CEP290: variants seen among roughly 807,000 people sequenced by gnomAD.
The protein encoded by CEP290 is centrosomal protein of 290 kDa.
CEP290 carries 317 observed loss-of-function variants against 344.9 expected under a neutral mutation model. The observed-to-expected ratio is 0.92, with a 90% confidence interval of 0.84 to 1.01. The LOEUF is 1.01. CEP290 is among the 50% of genes least tolerant of loss of function. The pLI, the probability that CEP290 is intolerant of heterozygous loss-of-function variation, is 0.00. For synonymous variants in CEP290, 932 were observed against 895.8 expected, an observed-to-expected ratio of 1.04 and a Z score of -0.72; for missense variants, 2,754 against 2,761.4, an observed-to-expected ratio of 1.00 and a Z score of 0.06.
intron 37 of CEP290, 67 bp downstream of exon 37, chr12:88,082,964 A>G (rs1355083960): frequency 1.1e-6 from 1 of 947,804 alleles, no homozygotes; most frequent in South Asian, 1.7e-5. Flanking sequence ...CATAGCAAAC[A>G]CTTATGTTTA....
intron 26 of CEP290, among the ~76,000 whole-genome samples, chr12:88,098,541 G>A (rs2037630292): frequency 1.3e-5 from 2 of 152,000 alleles, no homozygotes; most frequent in East Asian, 3.9e-4. Context: ...GATCCCAGGA[G>A]GGCAAGGCTG....
Position 88,102,895 on chromosome 12 carries a change from GT to G in CEP290, c.2933del (p.Asp978AlafsTer26). 6.2e-7 allele frequency: 1 copy of G among 1,611,168 alleles called. No homozygotes were observed. The stretch of plus-strand genomic sequence containing the variant: ...CAAGCATATTATCTTTTTGCAAGAT[GT>G]CCCTGTACTTAGCAGTCAGTTCATT... Reference protein sequence around the residue: ...QYNELTAKYRDILQKDNMLVQ... With the variant: ...QYNELTAKYRXILQKDNMLVQ... On this transcript the variant is annotated frameshift_variant, in exon 26 of 54. Transcript: ENST00000552810. LOFTEE classifies it high-confidence loss of function.
rs1306782857 is a variant in CEP290 at position 88,087,779 on chromosome 12, C to G, written c.4194+1G>C. ...AAAATGAAATAAATATAAAATAAAA[C>G]CTTGTTCTGTTGCACAATTTCTTCT... On this transcript the variant is annotated splice_donor_variant, in intron 32 of 53. Transcript: ENST00000552810. LOFTEE classifies it high-confidence loss of function. 1 of 942,518 alleles carries G rather than the reference C, an allele frequency of 1.1e-6. No individual in the cohort carries two copies. The highest frequency in any genetic ancestry group is 3.6e-5 in the South Asian group (1 of 28,096). 58.4% of individuals were successfully genotyped at this position (942,518 alleles called of 1,614,324 possible). A position where few individuals can be genotyped will look rare whatever the true frequency, so the allele number is the denominator to read the frequency against.
Position 88,087,863 on chromosome 12 carries a change from C to T in CEP290, c.4111G>A (p.Glu1371Lys), listed in dbSNP as rs565584005. ...ATTATGTTATTCAAATATTTTATTT[C>T]TTCTTTATCCTTGACTAATTCCCGA... ...LNRELVKDKEEIKYLNNIISE... is the reference protein window; with the variant it reads ...LNRELVKDKEKIKYLNNIISE... Residue 1371 changes from glutamate to lysine, a missense_variant, in exon 32 of 54, where the codon GAA becomes AAA. Physicochemically the swap from Glu to Lys is moderately conservative, Grantham distance 56. Coordinates refer to ENST00000552810, the MANE Select transcript of CEP290 (RefSeq NM_025114.4). The T allele has an allele frequency of 1.6e-6, 2 of 1,247,844 alleles. No individual in the cohort carries two copies. The highest frequency in any genetic ancestry group is 6.2e-5 in the East Asian group (2 of 32,080). The allele number at this position is 1,247,844 out of a possible 1,614,324, so 77.3% of individuals were successfully genotyped here.
intron 39 of CEP290, among the ~76,000 whole-genome samples, chr12:88,078,890 C>T (rs2035980112): frequency 6.6e-6 from 1 of 152,056 alleles, no homozygotes; most frequent in African/African-American, 2.4e-5. Context: ...CCTATCCTTT[C>T]CTAATCCCCA....
At chr12:88,117,567 G>A (rs1017095959) in intron 17 of CEP290, among the ~76,000 whole-genome samples, 6 of 152,108 alleles carry the variant, frequency 3.9e-5, no homozygotes, top group Non-Finnish European at 8.8e-5. Flanking sequence ...ACTCATATAC[G>A]TGCTTGGGGA....
rs777299440 is a variant in CEP290 at position 88,120,196 on chromosome 12, T to C, written c.1440A>G (p.Glu480=). Reference sequence around the variant, plus strand: ...GTTTATTGATTTCCTTTGTTAATATTTCAATCTCTCGATCTCTTATTTTAA... The same window carrying C: ...GTTTATTGATTTCCTTTGTTAATATCTCAATCTCTCGATCTCTTATTTTAA... ...NQIKIRDREI[E]ILTKEINKLE... is the part of the protein sequence containing the mutation. Residue 480 remains glutamate (E), a synonymous_variant, in exon 15 of 54, where the codon GAA becomes GAG. Coordinates refer to ENST00000552810, the MANE Select transcript of CEP290 (RefSeq NM_025114.4). 4.3e-5 allele frequency: 66 copies of C among 1,520,550 alleles called. No individual in the cohort carries two copies. The highest frequency in any genetic ancestry group is 5.6e-5 in the Non-Finnish European group (63 of 1,130,696). 94.2% of individuals were successfully genotyped at this position (1,520,550 alleles called of 1,614,324 possible).
intron 18 of CEP290, chr12:88,115,650 G>T: frequency 9.8e-7 from 1 of 1,016,184 alleles, no homozygotes; most frequent in Non-Finnish European, 1.3e-6. Flanking sequence ...AAAGTACAAT[G>T]TGTATAACTG....
chr12:88,059,990 CA>C lies in CEP290; in HGVS notation c.6552del (p.His2186IlefsTer3). 1 of 1,568,482 alleles carries C rather than the reference CA, an allele frequency of 6.4e-7. No homozygotes were observed. Among genetic ancestry groups the C allele is most frequent in the Non-Finnish European group, 8.6e-7 (1 of 1,159,088 alleles). ...KAELEKLKAH[L>X]GHQLSMHYES... ...TCATAGTGCATGCTCAACTGATGCC[CA>C]AGATGAGCTTTAAGTTTTTCTAATT... On this transcript the variant is annotated frameshift_variant, in exon 48 of 54. Transcript: ENST00000552810. LOFTEE classifies it high-confidence loss of function.
In CEP290 at chr12:88,139,475, A is replaced by T; in HGVS notation, c.250+20T>A. The T allele has an allele frequency of 6.3e-7, 1 of 1,587,472 alleles. No individual in the cohort carries two copies. The highest frequency in any genetic ancestry group is 8.6e-7 in the Non-Finnish European group (1 of 1,165,068). On this transcript the variant is annotated intron_variant, in intron 4 of 53. Coordinates refer to ENST00000552810, the MANE Select transcript of CEP290 (RefSeq NM_025114.4). ...AATTCATTATTTAATACCATAATAA[A>T]CTTTTTCCAAGGTGCTTACCAAATT...
chr12:88,075,082 A>C lies in CEP290; in HGVS notation c.5709+2140T>G, dbSNP rs557783046. On this transcript the variant is annotated intron_variant, in intron 41 of 53. Coordinates refer to ENST00000552810, the MANE Select transcript of CEP290 (RefSeq NM_025114.4). ...GGACTTGTGATTTGATCGAAGTAAG[A>C]TATCTGTGGGATCTGACACTATCTC... Among the ~76,000 whole-genome samples the C allele has an allele frequency of 2.6e-5, 4 of 152,240 alleles. No individual in the cohort carries two copies. The East Asian group carries it at 7.7e-4, about 29-fold the overall frequency.
Position 88,090,822 on chromosome 12 carries a change from T to A in CEP290, c.3479A>T (p.Asp1160Val). 1 of 1,553,788 alleles carries A rather than the reference T, an allele frequency of 6.4e-7. No individual in the cohort carries two copies. The highest frequency in any genetic ancestry group is 8.7e-7 in the Non-Finnish European group (1 of 1,145,954). ...VEVSKLREIS[D>V]IARRQVEILN... ...AATTTCAACTTGTCTTCTGGCAATA[T>A]CAGAAATCTCTCTCAGTCTAGGAAA... Residue 1160 changes from aspartate to valine, a missense_variant, in exon 30 of 54, where the codon GAT becomes GTT. By Grantham distance (152) the Asp-to-Val change is radical. Transcript: ENST00000552810.
chr12:88,095,518 G>A (rs1008018757), intron 27 of CEP290, among the ~76,000 whole-genome samples: 3 of 152,126 alleles, frequency 2.0e-5, no homozygotes, highest in Admixed American at 6.5e-5. Context: ...AAAATTGTAC[G>A]TAATACTCTC....
At position 88,063,950 on chromosome 12, in the gene CEP290, T is replaced by C. The variant is rs1180052887; in HGVS notation, c.6270+31A>G. ...CAACTAAGGAAGGAGTTTTAGGCAT[T>C]AGATTTCCTAATAAAAAACATTAAA... On this transcript the variant is annotated intron_variant, in intron 45 of 53. Coordinates refer to ENST00000552810, the MANE Select transcript of CEP290 (RefSeq NM_025114.4). 4 of 1,555,806 alleles carry C rather than the reference T, an allele frequency of 2.6e-6. No individual in the cohort carries two copies. The African/African-American group carries it at 4.1e-5, about 16-fold the overall frequency.
intron 45 of CEP290, among the ~76,000 whole-genome samples, chr12:88,063,177 T>C (rs1264657948): frequency 4.4e-5 from 6 of 136,506 alleles, no homozygotes; most frequent in African/African-American, 1.6e-4. Flanking sequence ...TGCGAAAAAA[T>C]GGCAGATTAG....
At position 88,089,196 on chromosome 12, in the gene CEP290, T is replaced by C; in HGVS notation, c.3865A>G (p.Thr1289Ala). Reference protein sequence around the residue: ...PLAQQEKFSKTMIQLQNDKLK... With the variant: ...PLAQQEKFSKAMIQLQNDKLK... ...TTGTCATTTTGTAGTTGAATCATTG[T>C]TTTGGAGAACTTTTCCTGTTGTGCC... The change falls in exon 31 of 54, where the codon ACA becomes GCA. Residue 1289 changes from threonine to alanine, a missense_variant. Physicochemically the swap from Thr to Ala is moderately conservative, Grantham distance 58 (BLOSUM62 0). Transcript: ENST00000552810. The C allele has an allele frequency of 6.2e-7, 1 of 1,613,268 alleles. No individual in the cohort carries two copies. Among genetic ancestry groups the C allele is most frequent in the Non-Finnish European group, 8.5e-7 (1 of 1,179,464 alleles).
At chr12:88,067,526 T>A (rs564720961) in intron 44 of CEP290, among the ~76,000 whole-genome samples, 1 of 152,342 alleles carries the variant, frequency 6.6e-6, no homozygotes, top group South Asian at 2.1e-4. Flanking sequence ...AACTGTCACA[T>A]AATCACAGTC....
intron 52 of CEP290, among the ~76,000 whole-genome samples, chr12:88,050,692 G>C (rs942099637): frequency 2.0e-5 from 3 of 152,100 alleles, no homozygotes; most frequent in Non-Finnish European, 4.4e-5. Flanking sequence ...TTCTTCACAT[G>C]ATAGAAATTT....
At position 88,083,945 on chromosome 12, in the gene CEP290, C is replaced by T. The variant is rs1292516576; in HGVS notation, c.4714G>A (p.Glu1572Lys). Residue 1572 changes from glutamate (E) to lysine (K), a missense_variant, in exon 36 of 54, where the codon GAA becomes AAA. Coordinates refer to ENST00000552810, the MANE Select transcript of CEP290 (RefSeq NM_025114.4). ...LLEKAREEQR[E>K]IVKKHEEDLH... ...TCTTCCTCATGTTTCTTCACAATTT[C>T]TCTTTGCTCCTGTTTTACAGAAAAT... 5.1e-6 allele frequency: 8 copies of T among 1,583,792 alleles called. No homozygotes were observed. The highest frequency in any genetic ancestry group is 1.2e-5 in the South Asian group (1 of 86,678).
Sources: gnomAD v4.1 joint callset for allele counts (sites outside exome capture counted in the v4.1 genomes callset) on GRCh38, gnomAD v4.1.1 for gene constraint, MANE v1.5 for transcripts, NCBI Gene and HGNC (gene_info 2026-07-23, HGNC 2026-07-21) for gene names.